The following LDAH variants were observed in gnomAD, a reference collection of about 807,000 sequenced individuals.
LDAH encodes lipid droplet-associated hydrolase.
Under a neutral mutation model 29.6 loss-of-function variants are expected in LDAH, and 26 were observed. The observed-to-expected ratio is 0.88, with a 90% CI of 0.64 to 1.22. The LOEUF (loss-of-function observed/expected upper bound fraction) is 1.22, where lower values mean the gene tolerates loss of function less well. LDAH is among the 50% of genes most tolerant of loss of function. The pLI, the probability that LDAH is intolerant of heterozygous loss-of-function variation, is 0.00. For synonymous variants in LDAH, 117 were observed against 133.0 expected (o/e 0.88, Z 0.83); for missense variants, 344 against 387.3 (o/e 0.89, Z 0.94).
intron 2 of LDAH, among the ~76,000 whole-genome samples, chr2:20,799,175 C>T (rs566207859): frequency 6.6e-6 from 1 of 152,068 alleles, no homozygotes; most frequent in South Asian, 2.1e-4. Flanking sequence ...TTGCAGTGAG[C>T]TGAGATCATA....
downstream of LDAH, among the ~76,000 whole-genome samples, chr2:20,683,529 G>T (rs1263200166): frequency 6.6e-6 from 1 of 152,186 alleles, no homozygotes; most frequent in Admixed American, 6.5e-5. Flanking sequence ...TTTGCTTCCC[G>T]CATCTTTTCT....
chr2:20,774,264 G>C, intron 4 of LDAH, among the ~76,000 whole-genome samples: 1 of 152,152 alleles, frequency 6.6e-6, no homozygotes, highest in East Asian at 1.9e-4. Flanking sequence ...CTGGCACACA[G>C]TGGTATCCAA....
chr2:20,718,634 T>C (rs1265293809), intron 5 of LDAH, among the ~76,000 whole-genome samples: 1 of 152,048 alleles, frequency 6.6e-6, no homozygotes, highest in East Asian at 1.9e-4. Context: ...CAAAGAAACA[T>C]TGCAGTTAAA....
intron 5 of LDAH, among the ~76,000 whole-genome samples, chr2:20,720,579 C>A (rs1665576897): frequency 6.6e-6 from 1 of 152,022 alleles, no homozygotes; most frequent in Non-Finnish European, 1.5e-5. Context: ...CAATCTCTCT[C>A]AAAATACTAA....
At chr2:20,819,800 A>G (rs1432231429) in intron 1 of LDAH, among the ~76,000 whole-genome samples, 1 of 152,182 alleles carries the variant, frequency 6.6e-6, no homozygotes, top group Non-Finnish European at 1.5e-5. Context: ...AGGGTATTCA[A>G]TTAGGAAAAG....
At chr2:20,724,822 C>G (rs2149405622) in intron 5 of LDAH, among the ~76,000 whole-genome samples, 1 of 152,288 alleles carries the variant, frequency 6.6e-6, no homozygotes, top group East Asian at 1.9e-4. Context: ...CCAAGTTGTG[C>G]TGCTGTTTTG....
chr2:20,795,982 C>T (rs980118151), intron 2 of LDAH, among the ~76,000 whole-genome samples: 1 of 114,778 alleles, frequency 8.7e-6, no homozygotes, highest in Non-Finnish European at 2.0e-5. Flanking sequence ...CACACACACA[C>T]ACAAAATACA....
At chr2:20,738,641 T>C (rs1336073793) in intron 5 of LDAH, among the ~76,000 whole-genome samples, 1 of 152,140 alleles carries the variant, frequency 6.6e-6, no homozygotes, top group African/African-American at 2.4e-5. Context: ...AACATCAACC[T>C]CTGGCAATTT....
intron 6 of LDAH, among the ~76,000 whole-genome samples, chr2:20,694,796 C>T (rs923783200): frequency 3.9e-5 from 6 of 152,206 alleles, no homozygotes; most frequent in African/African-American, 1.4e-4. Flanking sequence ...GTGTATACAG[C>T]GGTGTGCAGA....
intron 1 of LDAH, among the ~76,000 whole-genome samples, chr2:20,820,554 C>G (rs1271326798): frequency 1.3e-5 from 2 of 151,890 alleles, no homozygotes; most frequent in Non-Finnish European, 2.9e-5. Context: ...GGAAAACTGG[C>G]TAGCCATATG....
At chr2:20,766,992 C>T (rs1307852555) in intron 4 of LDAH, among the ~76,000 whole-genome samples, 2 of 152,226 alleles carry the variant, frequency 1.3e-5, no homozygotes, top group Non-Finnish European at 2.9e-5. Flanking sequence ...ACACTCCTGA[C>T]GGCCAGACCA....
rs57619975 is a variant in LDAH at position 20,795,945 on chromosome 2, CCACACACA to C, written c.154+5357_154+5364del. Among the ~76,000 whole-genome samples the C allele has an allele frequency of 5.2e-3, 739 of 141,952 alleles. 6 individuals are homozygous for C. Among genetic ancestry groups the C allele is most frequent in the South Asian group, 7.4e-3 (30 of 4,062 alleles). The allele number at this position is 141,952 out of a possible 152,430, so 93.1% of individuals were successfully genotyped here. A position where few individuals can be genotyped will look rare whatever the true frequency, so the allele number is the denominator to read the frequency against. On this transcript the variant is annotated intron_variant, in intron 2 of 6. Coordinates refer to ENST00000237822, the MANE Select transcript of LDAH (RefSeq NM_021925.4). ...AATAGATTAGCTCCCCCGAAACCTGCCACACACACACACACACACACACACACACACAC... is the reference window on the plus strand; with the variant it reads ...AATAGATTAGCTCCCCCGAAACCTGCCACACACACACACACACACACACAC...
At chr2:20,801,687 T>G (rs1671679842) in intron 1 of LDAH, among the ~76,000 whole-genome samples, 2 of 152,112 alleles carry the variant, frequency 1.3e-5, no homozygotes, top group Non-Finnish European at 2.9e-5. Context: ...AGACATATCC[T>G]TGGAAAAATG....
chr2:20,744,797 G>T (rs545735737), intron 4 of LDAH, among the ~76,000 whole-genome samples: 1 of 152,254 alleles, frequency 6.6e-6, no homozygotes, highest in Non-Finnish European at 1.5e-5. Flanking sequence ...GGTCCTCCTG[G>T]AGTTTAAAAC....
intron 2 of LDAH, among the ~76,000 whole-genome samples, chr2:20,800,329 A>T (rs1011248002): frequency 2.6e-5 from 4 of 152,272 alleles, no homozygotes; most frequent in Non-Finnish European, 5.9e-5. Context: ...AAACCAGGAA[A>T]GATTCTTGTC....
chr2:20,806,161 A>G, intron 1 of LDAH, among the ~76,000 whole-genome samples: 1 of 152,194 alleles, frequency 6.6e-6, no homozygotes. Context: ...AAAAAACTTG[A>G]AAAAGAGGTA....
chr2:20,690,177 G>A (rs931680252), intron 6 of LDAH, among the ~76,000 whole-genome samples: 1 of 152,136 alleles, frequency 6.6e-6, no homozygotes, highest in African/African-American at 2.4e-5. Flanking sequence ...TTGAGCAGGG[G>A]TGATCAACAT....
At position 20,708,378 on chromosome 2, in the gene LDAH, G is replaced by A. The variant is rs141363185; in HGVS notation, c.704-6726C>T. 9.9e-5 allele frequency among the ~76,000 whole-genome samples: 15 copies of A among 152,204 alleles called. No individual in the cohort carries two copies. In the South Asian group the frequency reaches 1.7e-3, roughly 17 times the overall value. ...AAGCAAGACCAGAAAGTATCAAACC[G>A]TCTCCAAATAACAAAACTGTGTCCC... is the stretch of plus-strand genomic sequence containing the variant. On this transcript the variant is annotated intron_variant, in intron 5 of 6. Transcript: ENST00000237822.
At chr2:20,701,754 G>A (rs1572426107) in intron 5 of LDAH, 102 bp from the exon 6 acceptor site, 6 of 1,029,458 alleles carry the variant, frequency 5.8e-6, no homozygotes, top group East Asian at 2.5e-5. Context: ...CTTTTGGCAC[G>A]TGCTATCTGA....
Sources: allele counts gnomAD v4.1 joint callset (sites outside exome capture counted in the v4.1 genomes callset), GRCh38; gene constraint gnomAD v4.1.1; transcripts MANE v1.5; gene names NCBI Gene and HGNC (gene_info 2026-07-23, HGNC 2026-07-21).